TBL1XR1: variants seen among roughly 807,000 people sequenced by gnomAD.
TBL1XR1 encodes F-box-like/WD repeat-containing protein TBL1XR1.
A neutral mutation model predicts 66.9 loss-of-function variants in TBL1XR1; 5 were observed. The observed-to-expected ratio is 0.07, with a 90% CI of 0.04 to 0.16. TBL1XR1 has a LOEUF of 0.16. Among genes scored for constraint, TBL1XR1 ranks in the 10% least tolerant of loss-of-function variants. TBL1XR1 has a pLI of 1.00. For synonymous variants in TBL1XR1, 210 were observed against 206.0 expected (o/e 1.02, Z -0.17); for missense variants, 238 against 623.2 (o/e 0.38, Z 6.58).
intron 1 of TBL1XR1, among the ~76,000 whole-genome samples, chr3:177,138,164 A>C (rs929313592): frequency 1.3e-5 from 2 of 152,222 alleles, no homozygotes; most frequent in African/African-American, 4.8e-5. Flanking sequence ...CAAGAAGGAA[A>C]CAATGATGGT....
At chr3:177,121,696 C>G (rs1020626139) in intron 1 of TBL1XR1, among the ~76,000 whole-genome samples, 1 of 152,108 alleles carries the variant, frequency 6.6e-6, no homozygotes, top group Non-Finnish European at 1.5e-5. Context: ...CTCTGAGCTC[C>G]GCCTCTTTTT....
chr3:177,175,432 C>G (rs1422603323), intron 1 of TBL1XR1, among the ~76,000 whole-genome samples: 5 of 152,300 alleles, frequency 3.3e-5, no homozygotes, highest in Admixed American at 3.3e-4. Flanking sequence ...GAAGTTTCCT[C>G]TTCAGATATC....
At chr3:177,085,451 G>A (rs1269718824) in intron 2 of TBL1XR1, among the ~76,000 whole-genome samples, 1 of 152,126 alleles carries the variant, frequency 6.6e-6, no homozygotes, top group East Asian at 1.9e-4. Flanking sequence ...TGGTACAGAT[G>A]AAGAAAATCT....
At chr3:177,188,553 AG>A (rs1735723789) in intron 1 of TBL1XR1, among the ~76,000 whole-genome samples, 1 of 152,142 alleles carries the variant, frequency 6.6e-6, no homozygotes, top group South Asian at 2.1e-4. Flanking sequence ...GTCAAAAAAA[AG>A]AAATTACTCT....
chr3:177,070,848 AAAAAAAAT>A (rs916268179), intron 2 of TBL1XR1, among the ~76,000 whole-genome samples: 4 of 137,926 alleles, frequency 2.9e-5, no homozygotes, highest in Non-Finnish European at 4.7e-5. Context: ...TCCGTCTCAA[AAAAAAAAT>A]AAATAAATAA....
chr3:177,153,996 C>G (rs912506126), intron 1 of TBL1XR1, among the ~76,000 whole-genome samples: 3 of 148,454 alleles, frequency 2.0e-5, no homozygotes, highest in Admixed American at 2.0e-4. Flanking sequence ...TAAATCAAGG[C>G]GCCAAGAAAA....
intron 1 of TBL1XR1, among the ~76,000 whole-genome samples, chr3:177,159,121 C>T (rs1731863974): frequency 6.6e-6 from 1 of 151,468 alleles, no homozygotes; most frequent in Non-Finnish European, 1.5e-5. Flanking sequence ...ACAGTTTTTA[C>T]TTATGTGGAA....
At chr3:177,131,158 A>G (rs1577257010) in intron 1 of TBL1XR1, among the ~76,000 whole-genome samples, 1 of 152,326 alleles carries the variant, frequency 6.6e-6, no homozygotes, top group African/African-American at 2.4e-5. Context: ...GAATATATTG[A>G]GAACTTCTTC....
intron 10 of TBL1XR1, among the ~76,000 whole-genome samples, chr3:177,039,060 T>C (rs916498853): frequency 2.0e-5 from 3 of 152,184 alleles, no homozygotes; most frequent in African/African-American, 7.2e-5. Context: ...CTTTACTTCA[T>C]GCACAAAACT....
chr3:177,055,476 T>C (rs1394446559), intron 3 of TBL1XR1, among the ~76,000 whole-genome samples: 1 of 141,638 alleles, frequency 7.1e-6, no homozygotes, highest in Non-Finnish European at 1.5e-5. Flanking sequence ...ATAAGCAAGA[T>C]CATAATTAAA....
intron 3 of TBL1XR1, among the ~76,000 whole-genome samples, chr3:177,054,226 C>G (rs1272515145): frequency 6.6e-6 from 1 of 152,116 alleles, no homozygotes; most frequent in Non-Finnish European, 1.5e-5. Context: ...CAAAAAGCAT[C>G]AAATGTAAAA....
chr3:177,045,705 T>C (rs1027959998), intron 10 of TBL1XR1, among the ~76,000 whole-genome samples: 3 of 152,142 alleles, frequency 2.0e-5, no homozygotes, highest in African/African-American at 4.8e-5. Context: ...TTCATGTATA[T>C]CATTTAGCCT....
chr3:177,198,614 G>C (rs1007004998), upstream of TBL1XR1, among the ~76,000 whole-genome samples: 7 of 152,170 alleles, frequency 4.6e-5, no homozygotes, highest in Non-Finnish European at 8.8e-5. Flanking sequence ...AGAAAGATGG[G>C]GTAGGGTGCT....
chr3:177,125,521 G>T (rs932009208), intron 1 of TBL1XR1, among the ~76,000 whole-genome samples: 3 of 151,850 alleles, frequency 2.0e-5, no homozygotes, highest in African/African-American at 7.3e-5. Flanking sequence ...TAGAAATAAT[G>T]AATTAACAGG....
At chr3:177,033,449 C>G (rs1268808374) in intron 13 of TBL1XR1, among the ~76,000 whole-genome samples, 1 of 152,178 alleles carries the variant, frequency 6.6e-6, no homozygotes, top group African/African-American at 2.4e-5. Flanking sequence ...GTATTCCTCT[C>G]TGTCTAAATA....
chr3:177,075,302 G>C (rs1016693379), intron 2 of TBL1XR1, among the ~76,000 whole-genome samples: 1 of 152,148 alleles, frequency 6.6e-6, no homozygotes, highest in African/African-American at 2.4e-5. Context: ...TCTCCTCTTT[G>C]TGTGTTGTCT....
chr3:177,147,533 CTT>C (rs750628382), intron 1 of TBL1XR1, among the ~76,000 whole-genome samples: 52 of 152,256 alleles, frequency 3.4e-4, no homozygotes, highest in Admixed American at 2.0e-3. Context: ...CTGAAAGGGT[CTT>C]GGGTTCAACA....
In TBL1XR1 at chr3:177,037,762, A is replaced by G. The variant is rs117115803; in HGVS notation, c.1122+336T>C. 67 of 193,886 alleles carry G rather than the reference A, an allele frequency of 3.5e-4. 2 individuals carry two copies. The East Asian group carries it at 8.9e-3, about 26-fold the overall frequency. The allele number at this position is 193,886 out of a possible 1,614,324, so 12.0% of individuals were successfully genotyped here. A position where few individuals can be genotyped will look rare whatever the true frequency, so the allele number is the denominator to read the frequency against. ...ATAATCACGTGAGTCAATTTCTCACAGTAAATCTCTCATCCATCCATCCAT... is the reference window on the plus strand; with the variant it reads ...ATAATCACGTGAGTCAATTTCTCACGGTAAATCTCTCATCCATCCATCCAT... On this transcript the variant is annotated intron_variant, in intron 12 of 15. Coordinates refer to ENST00000457928, the MANE Select transcript of TBL1XR1 (RefSeq NM_024665.7).
At chr3:177,155,563 T>A (rs188805547) in intron 1 of TBL1XR1, among the ~76,000 whole-genome samples, 284 of 152,234 alleles carry the variant, frequency 1.9e-3, no homozygotes, top group Non-Finnish European at 3.1e-3. Context: ...ATAAATAATG[T>A]GAATACATAA....
Sources: allele counts gnomAD v4.1 joint callset (sites outside exome capture counted in the v4.1 genomes callset), GRCh38; gene constraint gnomAD v4.1.1; transcripts MANE v1.5; gene names NCBI Gene and HGNC (gene_info 2026-07-23, HGNC 2026-07-21).